Variants in RGSL1 observed in about 807,000 individuals in gnomAD.
RGSL1 encodes the protein regulator of G protein signaling protein-like.
A neutral mutation model predicts 124.7 loss-of-function variants in RGSL1; 97 were observed. That is an observed-to-expected ratio of 0.78 (90% confidence interval 0.66 to 0.92). The LOEUF (loss-of-function observed/expected upper bound fraction) is 0.92. RGSL1 is among the 40% of genes least tolerant of loss of function. The probability of loss-of-function intolerance (pLI) is 0.00; values close to 1 mark genes in which losing one functional copy is unlikely to be tolerated. For synonymous variants in RGSL1, 424 were observed against 438.1 expected, an observed-to-expected ratio of 0.97 and a Z score of 0.40; for missense variants, 1,233 against 1,288.4, an observed-to-expected ratio of 0.96 and a Z score of 0.66.
intron 4 of RGSL1, among the ~76,000 whole-genome samples, chr1:182,462,001 A>T (rs1652877402): frequency 6.6e-6 from 1 of 152,228 alleles, no homozygotes; most frequent in Admixed American, 6.5e-5. Flanking sequence ...ACATGAATAT[A>T]GACCTCAAAG....
At chr1:182,463,374 T>C (rs1175941276) in intron 4 of RGSL1, among the ~76,000 whole-genome samples, 1 of 149,872 alleles carries the variant, frequency 6.7e-6, no homozygotes, top group Non-Finnish European at 1.5e-5. Context: ...ATTGGCAGAA[T>C]AAATTTTAAA....
chr1:182,484,576 G>A (rs571695828), intron 6 of RGSL1, among the ~76,000 whole-genome samples: 2 of 152,176 alleles, frequency 1.3e-5, no homozygotes, highest in Admixed American at 6.5e-5. Flanking sequence ...TCACAGGTTC[G>A]GGGCTCAGCA....
Position 182,459,934 on chromosome 1 carries a change from T to TA in RGSL1, c.172-69dup, listed in dbSNP as rs558751020. 2.2e-4 allele frequency: 327 copies of TA among 1,513,942 alleles called. 1 individual carries two copies. In the Admixed American group the frequency reaches 6.7e-3, roughly 31 times the overall value. The allele number at this position is 1,513,942 out of a possible 1,614,324, so 93.8% of individuals were successfully genotyped here. On this transcript the variant is annotated intron_variant, in intron 3 of 21. Transcript: ENST00000294854. ...AAGTGTGAGGTGATTAGTTGCCACT[T>TA]ACTAAGTTGTATTTTTTTAGCAGTT...
At chr1:182,535,488 C>T (rs963314414) in intron 14 of RGSL1, among the ~76,000 whole-genome samples, 1 of 152,180 alleles carries the variant, frequency 6.6e-6, no homozygotes, top group Non-Finnish European at 1.5e-5. Context: ...ACTGAGTAGG[C>T]TGCCTGTCCT....
At chr1:182,485,581 A>T (rs955435875) in intron 6 of RGSL1, among the ~76,000 whole-genome samples, 1 of 152,166 alleles carries the variant, frequency 6.6e-6, no homozygotes, top group African/African-American at 2.4e-5. Context: ...TATCAGACAC[A>T]TATAACCTTA....
At chr1:182,453,076 G>T (rs142768080) in intron 1 of RGSL1, among the ~76,000 whole-genome samples, 14 of 152,164 alleles carry the variant, frequency 9.2e-5, no homozygotes, top group African/African-American at 3.4e-4. Context: ...TACTAGAGGA[G>T]TTAGTTGCTT....
At chr1:182,495,356 T>C (rs1655835268) in intron 9 of RGSL1, among the ~76,000 whole-genome samples, 1 of 152,202 alleles carries the variant, frequency 6.6e-6, no homozygotes, top group African/African-American at 2.4e-5. Context: ...TTAGTGCCTC[T>C]TTCATGGTAG....
intron 10 of RGSL1, among the ~76,000 whole-genome samples, chr1:182,524,295 AT>A (rs1658578507): frequency 2.6e-5 from 4 of 152,102 alleles, no homozygotes; most frequent in African/African-American, 9.7e-5. Context: ...ATGAGAGTAT[AT>A]AAGGAGTCAG....
chr1:182,459,294 C>T (rs941950033), intron 3 of RGSL1, among the ~76,000 whole-genome samples: 148 of 152,148 alleles, frequency 9.7e-4, no homozygotes, highest in African/African-American at 3.5e-3. Flanking sequence ...CTCCTGTTTT[C>T]CTTTTCCACT....
chr1:182,506,933 T>C (rs1232043732), intron 9 of RGSL1, among the ~76,000 whole-genome samples: 21 of 151,516 alleles, frequency 1.4e-4, no homozygotes. Flanking sequence ...GCTTGAAATA[T>C]ACAATAGATT....
intron 13 of RGSL1, among the ~76,000 whole-genome samples, chr1:182,531,442 T>C (rs577499551): frequency 1.2e-4 from 19 of 152,306 alleles, no homozygotes; most frequent in African/African-American, 4.1e-4. Context: ...AAAGTCTCTA[T>C]GGTTTGAGAA....
chr1:182,450,099 A>G, upstream of RGSL1: 2 of 1,537,204 alleles, frequency 1.3e-6, no homozygotes, highest in Non-Finnish European at 1.8e-6. Flanking sequence ...CACAATGGAT[A>G]TAGTTCTATT....
chr1:182,488,258 A>C (rs541383320), intron 6 of RGSL1, 27 bp from the exon 7 acceptor site: 17 of 1,547,272 alleles, frequency 1.1e-5, no homozygotes, highest in Non-Finnish European at 1.3e-5. Flanking sequence ...TCCACCTCAT[A>C]ATGCATATGC....
At chr1:182,539,410 G>A (rs1659747046) in intron 14 of RGSL1, among the ~76,000 whole-genome samples, 1 of 152,086 alleles carries the variant, frequency 6.6e-6, no homozygotes, top group African/African-American at 2.4e-5. Flanking sequence ...GGTATTTATG[G>A]ACTCTTGTAG....
intron 9 of RGSL1, among the ~76,000 whole-genome samples, chr1:182,515,451 G>A (rs1267799857): frequency 6.7e-6 from 1 of 149,902 alleles, no homozygotes; most frequent in African/African-American, 2.5e-5. Flanking sequence ...GGGCCCTGGC[G>A]AATTTGCAGT....
rs1039990251 is a variant in RGSL1, at chr1:182,554,700, A to T, written c.3197+7A>T. ...AGCTGCATCCCGTCCAGGGGTAGGC[A>T]TGAGCTGGAAATCCTCTTCTTCAGT... On this transcript the variant is annotated splice_region_variant and intron_variant, in intron 20 of 21. Coordinates refer to ENST00000294854, the MANE Select transcript of RGSL1 (RefSeq NM_001137669.2). The T allele has an allele frequency of 4.5e-6, 7 of 1,551,622 alleles. No individual in the cohort carries two copies. Among genetic ancestry groups the T allele is most frequent in the Non-Finnish European group, 6.1e-6 (7 of 1,146,936 alleles).
At position 182,551,121 on chromosome 1, in the gene RGSL1, C is replaced by T. The variant is rs746874305; in HGVS notation, c.2955C>T (p.Thr985=). 2 of 1,551,624 alleles carry T rather than the reference C, an allele frequency of 1.3e-6. No individual in the cohort carries two copies. The highest frequency in any genetic ancestry group is 2.4e-5 in the East Asian group (1 of 40,914). The change falls in exon 18 of 22, where the codon ACC becomes ACT. Residue 985 remains threonine (T), a synonymous_variant. Transcript: ENST00000294854. The part of the protein sequence containing the change: ...FWKRFCFWKA[T]RSYLQYRGKK... ...ACAGGTTTTGTTTCTGGAAGGCAACCCGCTCTTACTTACAGTATAGGGGGA... is the reference window on the plus strand; with the variant it reads ...ACAGGTTTTGTTTCTGGAAGGCAACTCGCTCTTACTTACAGTATAGGGGGA...
chr1:182,554,195 T>G (rs1660727764), intron 19 of RGSL1, among the ~76,000 whole-genome samples: 2 of 152,224 alleles, frequency 1.3e-5, no homozygotes, highest in Non-Finnish European at 2.9e-5. Context: ...GCTTTTCTGC[T>G]TCTCACAGGC....
At chr1:182,525,920 GC>G (rs1246245049) in intron 10 of RGSL1, among the ~76,000 whole-genome samples, 3 of 152,050 alleles carry the variant, frequency 2.0e-5, no homozygotes, top group African/African-American at 7.2e-5. Flanking sequence ...TATAATCACT[GC>G]CCTGCAAAAA....
Sources: allele counts gnomAD v4.1 joint callset (sites outside exome capture counted in the v4.1 genomes callset), GRCh38; gene constraint gnomAD v4.1.1; transcripts MANE v1.5; gene names NCBI Gene and HGNC (gene_info 2026-07-23, HGNC 2026-07-21).